Variants in DLGAP2 observed in about 807,000 individuals in gnomAD.
The protein encoded by DLGAP2 is DLG associated protein 2.
DLGAP2 carries 26 observed loss-of-function variants against 100.3 expected under a neutral mutation model. The ratio of observed to expected loss-of-function variants is 0.26; its 90% CI spans 0.19 to 0.36. The LOEUF (loss-of-function observed/expected upper bound fraction) is 0.36, where lower values mean the gene tolerates loss of function less well. DLGAP2 is among the 10% of genes least tolerant of loss of function. The pLI is 1.00. For synonymous variants in DLGAP2, 886 were observed against 630.1 expected, an observed-to-expected ratio of 1.41 and a Z score of -6.08; for missense variants, 1,858 against 1,453.2, an observed-to-expected ratio of 1.28 and a Z score of -4.53.
At chr8:1,499,848 C>T (rs566449260) in intron 3 of DLGAP2, among the ~76,000 whole-genome samples, 55 of 152,306 alleles carry the variant, frequency 3.6e-4, no homozygotes, top group Admixed American at 1.1e-3. Context: ...CAAACCTCTA[C>T]GAACTTATTG....
chr8:884,997 G>A (rs983144350), intron 1 of DLGAP2, among the ~76,000 whole-genome samples: 11 of 152,178 alleles, frequency 7.2e-5, no homozygotes, highest in African/African-American at 2.7e-4. Context: ...CTATATGTCT[G>A]TTTTGGTGTC....
chr8:1,258,330 C>G (rs1012391044), intron 2 of DLGAP2, among the ~76,000 whole-genome samples: 1 of 151,790 alleles, frequency 6.6e-6, no homozygotes, highest in South Asian at 2.1e-4. Flanking sequence ...GTGCATGTGA[C>G]AGGTCGTTAC....
At chr8:1,580,916 T>TC (rs1803217018) in intron 6 of DLGAP2, among the ~76,000 whole-genome samples, 3 of 132,246 alleles carry the variant, frequency 2.3e-5, no homozygotes. Flanking sequence ...TACACCACAG[T>TC]AAACTACCAG....
At chr8:1,242,966 T>G (rs1798831208) in intron 2 of DLGAP2, among the ~76,000 whole-genome samples, 1 of 152,090 alleles carries the variant, frequency 6.6e-6, no homozygotes, top group Non-Finnish European at 1.5e-5. Flanking sequence ...CAGAACTTTC[T>G]CTGATGACTC....
intron 2 of DLGAP2, among the ~76,000 whole-genome samples, chr8:976,973 A>G (rs1324775666): frequency 6.6e-6 from 1 of 152,234 alleles, no homozygotes; most frequent in Non-Finnish European, 1.5e-5. Context: ...CTTTGTGAAG[A>G]CCATGTTCAG....
In DLGAP2 at chr8:965,570, G is replaced by A. The variant is rs370801275; in HGVS notation, c.73+57604G>A. On this transcript the variant is annotated intron_variant, in intron 2 of 14. Transcript: ENST00000637795. ...CACAGGGCTCCTGAGCCCAACCCCC[G>A]CGTGCACACGGCACTGTTCACCTCA... Among the ~76,000 whole-genome samples, 312 of 119,452 alleles carry A rather than the reference G, an allele frequency of 2.6e-3. 1 individual carries two copies. Among genetic ancestry groups the A allele is most frequent in the Admixed American group, 0.023 (246 of 10,796 alleles). The allele number at this position is 119,452 out of a possible 152,430, so 78.4% of individuals were successfully genotyped here.
At chr8:1,460,876 AT>A (rs1798451861) in intron 3 of DLGAP2, among the ~76,000 whole-genome samples, 1 of 152,206 alleles carries the variant, frequency 6.6e-6, no homozygotes, top group African/African-American at 2.4e-5. Flanking sequence ...ATTCAGTATA[AT>A]TTCCACACAA....
intron 3 of DLGAP2, among the ~76,000 whole-genome samples, chr8:1,413,607 G>A (rs192237320): frequency 2.0e-5 from 3 of 152,336 alleles, no homozygotes; most frequent in South Asian, 4.1e-4. Context: ...ATGTTCGAAG[G>A]CCCTTCTCTG....
chr8:1,362,895 C>T (rs1015492539), intron 3 of DLGAP2, among the ~76,000 whole-genome samples: 5 of 152,202 alleles, frequency 3.3e-5, no homozygotes, highest in African/African-American at 9.6e-5. Context: ...CCCTTCTCTT[C>T]TCGTCTTTCC....
intron 1 of DLGAP2, among the ~76,000 whole-genome samples, chr8:837,664 A>ATGTGTGTG (rs34602128): frequency 9.6e-5 from 14 of 146,018 alleles, no homozygotes; most frequent in East Asian, 2.0e-4. Flanking sequence ...GTTTGTGTGT[A>ATGTGTGTG]TGTGTGTGTG....
intron 1 of DLGAP2, among the ~76,000 whole-genome samples, chr8:888,213 G>A (rs992058966): frequency 2.6e-5 from 4 of 152,044 alleles, no homozygotes; most frequent in Non-Finnish European, 5.9e-5. Context: ...TGAAGTTCTC[G>A]TGCTGTGTTT....
At chr8:1,488,537 C>T (rs1017723831) in intron 3 of DLGAP2, among the ~76,000 whole-genome samples, 3 of 152,158 alleles carry the variant, frequency 2.0e-5, no homozygotes, top group Non-Finnish European at 2.9e-5. Context: ...TGGTCCTAAG[C>T]AGCTCCACAG....
intron 1 of DLGAP2, among the ~76,000 whole-genome samples, chr8:781,999 T>C (rs1821701474): frequency 6.6e-6 from 1 of 152,162 alleles, no homozygotes; most frequent in Admixed American, 6.5e-5. Flanking sequence ...GAAAACCTGG[T>C]GTTCAATCAA....
intron 2 of DLGAP2, among the ~76,000 whole-genome samples, chr8:1,181,485 C>G (rs1563235766): frequency 2.0e-5 from 3 of 151,962 alleles, no homozygotes; most frequent in South Asian, 2.1e-4. Context: ...CTAAGTGGAG[C>G]TGAATGAGGA....
At chr8:1,150,213 G>A (rs1217404818) in intron 2 of DLGAP2, among the ~76,000 whole-genome samples, 3 of 152,132 alleles carry the variant, frequency 2.0e-5, no homozygotes, top group East Asian at 3.9e-4. Context: ...TCTTCATTTC[G>A]GCTTTTGATG....
chr8:1,104,736 C>T (rs957117957), intron 2 of DLGAP2: 32 of 152,368 alleles, frequency 2.1e-4, no homozygotes, highest in African/African-American at 7.7e-4. Context: ...GGGCTGCCAC[C>T]TCCTTCCCCA....
chr8:1,151,852 C>A (rs1796703908), intron 2 of DLGAP2, among the ~76,000 whole-genome samples: 2 of 152,200 alleles, frequency 1.3e-5, no homozygotes, highest in South Asian at 4.1e-4. Context: ...TCTGGTTATT[C>A]CATTAGAACA....
rs1333342635 is a variant in DLGAP2 at position 1,082,174 on chromosome 8, T to A, written c.73+174208T>A. Among the ~76,000 whole-genome samples the A allele has an allele frequency of 3.3e-5, 5 of 152,208 alleles. No homozygotes were observed. The East Asian group carries it at 9.6e-4, about 29-fold the overall frequency. On this transcript the variant is annotated intron_variant, in intron 2 of 14. Transcript: ENST00000637795. ...GTTACCTAAAGAACATCTCTGTCTG[T>A]CTGGATCCATCTCTTGTCGATCTAG...
chr8:1,143,456 C>T (rs898773672), intron 2 of DLGAP2, among the ~76,000 whole-genome samples: 1 of 152,148 alleles, frequency 6.6e-6, no homozygotes, highest in Non-Finnish European at 1.5e-5. Context: ...AAGCTACAGA[C>T]GGGATATTTA....
Sources: gnomAD v4.1 joint callset for allele counts (sites outside exome capture counted in the v4.1 genomes callset) on GRCh38, gnomAD v4.1.1 for gene constraint, MANE v1.5 for transcripts, NCBI Gene and HGNC (gene_info 2026-07-23, HGNC 2026-07-21) for gene names.